Variants in ZNF587B observed in about 807,000 individuals in gnomAD.
The protein encoded by ZNF587B is zinc finger protein 587B.
In ZNF587B, 6 loss-of-function variants were observed where a neutral mutation model predicts 7.2. That is an observed-to-expected ratio of 0.83 (90% CI 0.46 to 1.65). ZNF587B has a LOEUF of 1.65. ZNF587B is among the 40% of genes most tolerant of loss of function. ZNF587B has a pLI of 0.01. For synonymous variants in ZNF587B, 274 were observed against 254.3 expected, an observed-to-expected ratio of 1.08 and a Z score of -0.74; for missense variants, 749 against 761.0, an observed-to-expected ratio of 0.98 and a Z score of 0.19.
chr19:57,843,677 T>C lies in ZNF587B; in HGVS notation c.*1101T>C, dbSNP rs1397086782. On this transcript the variant is annotated 3_prime_UTR_variant, in exon 3 of 3. Coordinates refer to ENST00000594901, the MANE Select transcript of ZNF587B (RefSeq NM_001376223.1). ...AGTGCAGTGGTGTGATCCTGGTTCA[T>C]TGCAACCTCTGCCTCCTGAGTTCAA... is the stretch of plus-strand genomic sequence containing the variant. 6.3e-6 allele frequency: 4 copies of C among 636,586 alleles called. No individual in the cohort carries two copies. The highest frequency in any genetic ancestry group is 2.1e-5 in the African/African-American group (1 of 48,198). 39.4% of individuals were successfully genotyped at this position (636,586 alleles called of 1,614,324 possible).
In ZNF587B at chr19:57,843,520, G is replaced by C. The variant is rs1444198498; in HGVS notation, c.*944G>C. ...ATTTCGTATTCTAGAAGTATATTTTGGTTGTCTCCCATTCACGAGAGATTT... is the reference window on the plus strand; with the variant it reads ...ATTTCGTATTCTAGAAGTATATTTTCGTTGTCTCCCATTCACGAGAGATTT... On this transcript the variant is annotated 3_prime_UTR_variant, in exon 3 of 3. Coordinates refer to ENST00000594901, the MANE Select transcript of ZNF587B (RefSeq NM_001376223.1). 1.0e-6 allele frequency: 1 copy of C among 982,994 alleles called. No individual in the cohort carries two copies. Among genetic ancestry groups the C allele is most frequent in the East Asian group, 1.1e-4 (1 of 8,782 alleles). 60.9% of individuals were successfully genotyped at this position (982,994 alleles called of 1,614,324 possible).
At position 57,830,460 on chromosome 19, in the gene ZNF587B, G is replaced by C; in HGVS notation, c.-69G>C. ...TGACCCACCCCTGGGCCAGGATAGG[G>C]ACCGTCATGCCCATATCTCCTGGCT... On this transcript the variant is annotated 5_prime_UTR_variant, in exon 1 of 3. Transcript: ENST00000594901. The C allele has an allele frequency of 8.5e-6, 13 of 1,524,108 alleles. No individual in the cohort carries two copies. The highest frequency in any genetic ancestry group is 1.2e-5 in the Non-Finnish European group (13 of 1,127,750). 94.4% of individuals were successfully genotyped at this position (1,524,108 alleles called of 1,614,324 possible).
chr19:57,831,970 T>G (rs1006541638), intron 1 of ZNF587B, among the ~76,000 whole-genome samples: 1 of 152,102 alleles, frequency 6.6e-6, no homozygotes, highest in Non-Finnish European at 1.5e-5. Context: ...CCTCCGAAAG[T>G]GCTGGGATTA....
chr19:57,843,121 T>C lies in ZNF587B; in HGVS notation c.*545T>C, dbSNP rs902470385. 1.7e-6 allele frequency: 1 copy of C among 583,344 alleles called. No homozygotes were observed. Among genetic ancestry groups the C allele is most frequent in the Non-Finnish European group, 2.2e-6 (1 of 463,030 alleles). 36.1% of individuals were successfully genotyped at this position (583,344 alleles called of 1,614,324 possible). Reference sequence around the variant, plus strand: ...AGTGATCTTCCCACCTTAGCCTCCATGTAGCTGGGTCCACAGGCATGCACC... The same window carrying C: ...AGTGATCTTCCCACCTTAGCCTCCACGTAGCTGGGTCCACAGGCATGCACC... On this transcript the variant is annotated 3_prime_UTR_variant, in exon 3 of 3. Transcript: ENST00000594901.
chr19:57,844,418 T>C lies in ZNF587B; in HGVS notation c.*1842T>C, dbSNP rs893948338. On this transcript the variant is annotated 3_prime_UTR_variant, in exon 3 of 3. Transcript: ENST00000594901. ...CAGGAGGCTGAGGCAGGAAAATTGCTTGAACCCCGGGAGGTAGAGGTTGCA... is the reference window on the plus strand; with the variant it reads ...CAGGAGGCTGAGGCAGGAAAATTGCCTGAACCCCGGGAGGTAGAGGTTGCA... 6 of 286,456 alleles carry C rather than the reference T, an allele frequency of 2.1e-5. No individual in the cohort carries two copies. Among genetic ancestry groups the C allele is most frequent in the Non-Finnish European group, 3.5e-5 (5 of 144,056 alleles). 17.7% of individuals were successfully genotyped at this position (286,456 alleles called of 1,614,324 possible).
At chr19:57,833,569 T>G (rs573069597) in intron 1 of ZNF587B, among the ~76,000 whole-genome samples, 1 of 151,486 alleles carries the variant, frequency 6.6e-6, no homozygotes, top group East Asian at 1.9e-4. Context: ...AAGGTCCCCT[T>G]TACTTTTTCC....
In ZNF587B at chr19:57,844,427, G is replaced by A. The variant is rs112944853; in HGVS notation, c.*1851G>A. The A allele has an allele frequency of 0.023, 6,557 of 283,504 alleles. 225 individuals carry two copies. Among genetic ancestry groups the A allele is most frequent in the African/African-American group, 0.098 (4,213 of 42,824 alleles). 17.6% of individuals were successfully genotyped at this position (283,504 alleles called of 1,614,324 possible). On this transcript the variant is annotated 3_prime_UTR_variant, in exon 3 of 3. Transcript: ENST00000594901. ...GAGGCAGGAAAATTGCTTGAACCCCGGGAGGTAGAGGTTGCAGTGAGCTGA... is the reference window on the plus strand; with the variant it reads ...GAGGCAGGAAAATTGCTTGAACCCCAGGAGGTAGAGGTTGCAGTGAGCTGA...
At position 57,830,733 on chromosome 19, in the gene ZNF587B, T is replaced by C. The variant is rs1301387013; in HGVS notation, c.36+169T>C. Among the ~76,000 whole-genome samples, 8 of 100,370 alleles carry C rather than the reference T, an allele frequency of 8.0e-5. No homozygotes were observed. The Admixed American group carries it at 9.1e-4, about 11-fold the overall frequency. The allele number at this position is 100,370 out of a possible 152,430, so 65.8% of individuals were successfully genotyped here. A position where few individuals can be genotyped will look rare whatever the true frequency, so the allele number is the denominator to read the frequency against. On this transcript the variant is annotated intron_variant, in intron 1 of 2. Coordinates refer to ENST00000594901, the MANE Select transcript of ZNF587B (RefSeq NM_001376223.1). ...TTTGAGCTGCTGAAGGCCTAATCTTTTATAGTCACTGTACCTGAGCGAGTT... is the reference window on the plus strand; with the variant it reads ...TTTGAGCTGCTGAAGGCCTAATCTTCTATAGTCACTGTACCTGAGCGAGTT...
intron 1 of ZNF587B, among the ~76,000 whole-genome samples, chr19:57,837,892 T>A (rs1988686467): frequency 6.6e-6 from 1 of 151,934 alleles, no homozygotes; most frequent in South Asian, 2.1e-4. Context: ...GCTCAATACA[T>A]TTGATTTGGA....
In ZNF587B at chr19:57,842,390, C is replaced by G. The variant is rs77936951; in HGVS notation, c.1716C>G (p.His572Gln). 2 of 1,602,352 alleles carry G rather than the reference C, an allele frequency of 1.2e-6. No homozygotes were observed. The highest frequency in any genetic ancestry group is 1.7e-6 in the Non-Finnish European group (2 of 1,175,204). ...ATCTCACTAGTCACAGGAGAGTTCA[C>G]ACTGGTCAGAAGCCTTATGAGTGCA... is the stretch of plus-strand genomic sequence containing the variant. ...SSYLTSHRRV[H>Q]TGQKPYECSE... Residue 572 changes from histidine (H) to glutamine (Q), a missense_variant, in exon 3 of 3, where the codon CAC becomes CAG. Physicochemically the swap from His to Gln is conservative, Grantham distance 24. Transcript: ENST00000594901.
intron 1 of ZNF587B, among the ~76,000 whole-genome samples, chr19:57,837,355 C>G (rs1206168333): frequency 1.3e-5 from 2 of 151,864 alleles, no homozygotes; most frequent in East Asian, 3.9e-4. Flanking sequence ...CTCCCTGGTT[C>G]AAGTGATTCT....
At chr19:57,835,307 G>A (rs921335401) in intron 1 of ZNF587B, among the ~76,000 whole-genome samples, 4 of 120,838 alleles carry the variant, frequency 3.3e-5, no homozygotes, top group Non-Finnish European at 7.0e-5. Context: ...TAATGCGGTC[G>A]GTAAGGACAT....
At position 57,839,015 on chromosome 19, in the gene ZNF587B, C is replaced by T. The variant is rs746933956; in HGVS notation, c.37-8C>T. The T allele has an allele frequency of 5.6e-6, 9 of 1,613,548 alleles. 1 individual carries two copies. The Admixed American group carries it at 6.7e-5, about 12-fold the overall frequency. The stretch of plus-strand genomic sequence containing the variant: ...GGTTTGTGGTTTCATCTGTCAACAT[C>T]ATAACAGGGCACAGTGACTTTTGAA... On this transcript the variant is annotated splice_region_variant and splice_polypyrimidine_tract_variant and intron_variant, in intron 1 of 2. Transcript: ENST00000594901.
chr19:57,830,486 G>A lies in ZNF587B; in HGVS notation c.-43G>A. ...ACCGTCATGCCCATATCTCCTGGCT[G>A]GTCACCCTCTCCTCCCAACCCTGCT... On this transcript the variant is annotated 5_prime_UTR_variant, in exon 1 of 3. It introduces an in-frame stop codon into an upstream open reading frame of the 5' UTR. Transcript: ENST00000594901. The A allele has an allele frequency of 6.5e-7, 1 of 1,547,344 alleles. No homozygotes were observed. The highest frequency in any genetic ancestry group is 8.7e-7 in the Non-Finnish European group (1 of 1,146,388).
At position 57,843,587 on chromosome 19, in the gene ZNF587B, G is replaced by GTTTTTTTTTTTTTTTTTTTTTTTT. The variant is rs1324065807; in HGVS notation, c.*1013_*1014insTTTTTTTTTTTTTTTTTTTTTTTT. ...GTTTGGTTGGTTGGTTGGTTGGTTG[G>GTTTTTTTTTTTTTTTTTTTTTTTT]TTGTTTTTTTTTGTTTTTTTTTTTT... On this transcript the variant is annotated 3_prime_UTR_variant, in exon 3 of 3. Coordinates refer to ENST00000594901, the MANE Select transcript of ZNF587B (RefSeq NM_001376223.1). 81 of 738,168 alleles carry GTTTTTTTTTTTTTTTTTTTTTTTT rather than the reference G, an allele frequency of 1.1e-4. 9 individuals are homozygous for GTTTTTTTTTTTTTTTTTTTTTTTT. The highest frequency in any genetic ancestry group is 4.8e-4 in the East Asian group (3 of 6,302). 45.7% of individuals were successfully genotyped at this position (738,168 alleles called of 1,614,324 possible).
chr19:57,834,849 A>G (rs1988541606), intron 1 of ZNF587B, among the ~76,000 whole-genome samples: 1 of 132,682 alleles, frequency 7.5e-6, no homozygotes, highest in African/African-American at 2.7e-5. Flanking sequence ...TCTCTTAAAA[A>G]AAAAAAAGAA....
At position 57,839,168 on chromosome 19, in the gene ZNF587B, C is replaced by T. The variant is rs779437065; in HGVS notation, c.163+19C>T. On this transcript the variant is annotated intron_variant, in intron 2 of 2. Coordinates refer to ENST00000594901, the MANE Select transcript of ZNF587B (RefSeq NM_001376223.1). ...TCCCTGGGTAAGTTGCTCACACTCA[C>T]CCTGTGACTTGAGCTAGTCTCTGTT... 1.2e-6 allele frequency: 2 copies of T among 1,613,636 alleles called. No individual in the cohort carries two copies. The highest frequency in any genetic ancestry group is 1.3e-5 in the African/African-American group (1 of 74,914).
In ZNF587B at chr19:57,841,318, G is replaced by A. The variant is rs778100343; in HGVS notation, c.644G>A (p.Ser215Asn). 8.1e-6 allele frequency: 13 copies of A among 1,612,470 alleles called. No individual in the cohort carries two copies. Among genetic ancestry groups the A allele is most frequent in the Middle Eastern group, 1.6e-4 (1 of 6,062 alleles). The change falls in exon 3 of 3, where the codon AGC (serine) becomes AAC (asparagine). Residue 215 changes from serine (S) to asparagine (N), a missense_variant. Around this residue, in one of 3 missense-constraint regions of ZNF587B, gnomAD observed 656 missense variants for 596.5 expected, o/e 1.10. Transcript: ENST00000594901. ...SPFQCGGAHY[S>N]HGDSMKHFST... ...TTTCAGTGTGGGGGAGCTCACTATA[G>A]CCATGGAGATTCCATGAAACATTTT...
intron 1 of ZNF587B, among the ~76,000 whole-genome samples, chr19:57,837,530 G>T (rs1300707201): frequency 1.3e-5 from 2 of 151,120 alleles, no homozygotes; most frequent in African/African-American, 4.9e-5. Flanking sequence ...CTCACTGCAA[G>T]CTCCGCCTCC....
Sources: gnomAD v4.1 joint callset for allele counts (sites outside exome capture counted in the v4.1 genomes callset) on GRCh38, gnomAD v4.1.1 for gene constraint, gnomAD v4.1.1 regional missense constraint, MANE v1.5 for transcripts, NCBI Gene and HGNC (gene_info 2026-07-23, HGNC 2026-07-21) for gene names.